The following FRS2 variants were observed in gnomAD, a reference collection of about 807,000 sequenced individuals.
The protein encoded by FRS2 is FGFR signalling adaptor.
FRS2 carries 8 observed loss-of-function variants against 43.9 expected under a neutral mutation model. The observed-to-expected ratio is 0.18, with a 90% CI of 0.11 to 0.33. The LOEUF is 0.33. Ranked by LOEUF, FRS2 falls within the 10% of genes least tolerant of loss-of-function variation. The probability of loss-of-function intolerance (pLI) is 1.00; values close to 1 mark genes in which losing one functional copy is unlikely to be tolerated. For synonymous variants in FRS2, 219 were observed against 220.3 expected (o/e 0.99, Z 0.05); for missense variants, 534 against 627.6 (o/e 0.85, Z 1.59).
At chr12:69,550,262 A>G (rs946723588) in intron 3 of FRS2, among the ~76,000 whole-genome samples, 1 of 152,202 alleles carries the variant, frequency 6.6e-6, no homozygotes, top group Non-Finnish European at 1.5e-5. Context: ...TATTAAGGCT[A>G]GCACTTAAGT....
At chr12:69,522,737 A>G (rs1345544436) in intron 1 of FRS2, among the ~76,000 whole-genome samples, 1 of 152,222 alleles carries the variant, frequency 6.6e-6, no homozygotes, top group Non-Finnish European at 1.5e-5. Flanking sequence ...ATTTAGTGCT[A>G]TAAATTTCCC....
chr12:69,523,684 T>C (rs1031196621), intron 1 of FRS2, among the ~76,000 whole-genome samples: 4 of 152,214 alleles, frequency 2.6e-5, no homozygotes, highest in African/African-American at 9.6e-5. Flanking sequence ...CTATGTACTT[T>C]AGTTTGTTTT....
chr12:69,571,976 G>A (rs1823970222), intron 7 of FRS2, 142 bp from the exon 8 acceptor site: 2 of 556,494 alleles, frequency 3.6e-6, no homozygotes, highest in African/African-American at 3.8e-5. Context: ...ATATGGAGTT[G>A]GGGGTAATAC....
At chr12:69,555,475 T>C (rs1484381489) in intron 3 of FRS2, among the ~76,000 whole-genome samples, 2 of 152,236 alleles carry the variant, frequency 1.3e-5, no homozygotes, top group Non-Finnish European at 2.9e-5. Flanking sequence ...TGCAAACTTT[T>C]CTGGTAAACT....
intron 1 of FRS2, among the ~76,000 whole-genome samples, chr12:69,475,910 C>T (rs1260529446): frequency 1.3e-5 from 2 of 151,888 alleles, no homozygotes; most frequent in Non-Finnish European, 2.9e-5. Context: ...TTATCTTTTG[C>T]CATTTTCGAT....
At chr12:69,519,638 T>TAA (rs1246062064) in intron 1 of FRS2, among the ~76,000 whole-genome samples, 10 of 152,328 alleles carry the variant, frequency 6.6e-5, no homozygotes, top group African/African-American at 2.4e-4. Flanking sequence ...AGCTCTCACT[T>TAA]ATAAGCGAGA....
At chr12:69,497,818 G>A (rs1873047401) in intron 1 of FRS2, among the ~76,000 whole-genome samples, 1 of 152,220 alleles carries the variant, frequency 6.6e-6, no homozygotes, top group African/African-American at 2.4e-5. Flanking sequence ...CCTGGCCATT[G>A]TAAATACTTT....
chr12:69,499,969 A>G lies in FRS2; in HGVS notation c.-261+29439A>G, dbSNP rs548978900. On this transcript the variant is annotated intron_variant, in intron 1 of 8. Coordinates refer to ENST00000549921, the MANE Select transcript of FRS2 (RefSeq NM_001278356.2). Reference sequence around the variant, plus strand: ...AATTCTGGTCAGAGTAGTGTTTCTGACACTTCAGTTTTTTTGAGGGCCATT... The same window carrying G: ...AATTCTGGTCAGAGTAGTGTTTCTGGCACTTCAGTTTTTTTGAGGGCCATT... Among the ~76,000 whole-genome samples the G allele has an allele frequency of 9.2e-5, 14 of 152,252 alleles. No homozygotes were observed. The East Asian group carries it at 1.3e-3, about 15-fold the overall frequency.
At chr12:69,552,144 A>T (rs546284943) in intron 3 of FRS2, among the ~76,000 whole-genome samples, 1 of 151,900 alleles carries the variant, frequency 6.6e-6, no homozygotes, top group African/African-American at 2.4e-5. Flanking sequence ...CTCTACTAAA[A>T]ATACAAAATT....
intron 1 of FRS2, among the ~76,000 whole-genome samples, chr12:69,487,948 C>G (rs181541222): frequency 6.6e-6 from 1 of 152,198 alleles, no homozygotes; most frequent in African/African-American, 2.4e-5. Context: ...GGAATTAGAA[C>G]TACAGCCTTA....
intron 4 of FRS2, among the ~76,000 whole-genome samples, chr12:69,562,732 C>T (rs1177783697): frequency 1.3e-5 from 2 of 151,868 alleles, no homozygotes; most frequent in Non-Finnish European, 1.5e-5. Context: ...CTTTGTCGTC[C>T]AGGCTTGGAG....
rs1424729489 is a variant in FRS2 at position 69,575,535 on chromosome 12, C to CT, written c.*581dup. 6.5e-6 allele frequency: 1 copy of CT among 152,802 alleles called. No homozygotes were observed. Among genetic ancestry groups the CT allele is most frequent in the Non-Finnish European group, 1.5e-5 (1 of 68,270 alleles). The allele number at this position is 152,802 out of a possible 1,614,324, so 9.5% of individuals were successfully genotyped here. On this transcript the variant is annotated 3_prime_UTR_variant, in exon 9 of 9. Coordinates refer to ENST00000549921, the MANE Select transcript of FRS2 (RefSeq NM_001278356.2). ...GCCTTCAGTGTTACTAGAAAGCGGCCTGTGTCCATGAGTGTGCTTTGCTGT... is the reference window on the plus strand; with the variant it reads ...GCCTTCAGTGTTACTAGAAAGCGGCCTTGTGTCCATGAGTGTGCTTTGCTGT...
In FRS2 at chr12:69,574,152, ATTC is replaced by A; in HGVS notation, c.730_732del (p.Leu244del). The stretch of plus-strand genomic sequence containing the variant: ...TAGTATTGAGGACAGGGATCCTCAG[ATTC>A]TTCTTGAACCTGAAGGAGTCAAATT... On this transcript the variant is annotated inframe_deletion, in exon 9 of 9. Transcript: ENST00000549921. 1.2e-6 allele frequency: 2 copies of A among 1,613,956 alleles called. No individual in the cohort carries two copies. The highest frequency in any genetic ancestry group is 2.2e-5 in the East Asian group (1 of 44,882).
intron 3 of FRS2, among the ~76,000 whole-genome samples, chr12:69,547,296 A>G (rs897195546): frequency 6.6e-6 from 1 of 152,190 alleles, no homozygotes; most frequent in Non-Finnish European, 1.5e-5. Context: ...CCTCGCCTCT[A>G]CAAAACATTA....
intron 1 of FRS2, among the ~76,000 whole-genome samples, chr12:69,491,881 A>C (rs1176724402): frequency 6.6e-6 from 1 of 152,210 alleles, no homozygotes; most frequent in East Asian, 1.9e-4. Context: ...AATTAGAAGT[A>C]GAATTTCTGT....
intron 3 of FRS2, among the ~76,000 whole-genome samples, chr12:69,556,601 C>T (rs938505475): frequency 2.6e-5 from 4 of 152,186 alleles, no homozygotes; most frequent in Admixed American, 6.5e-5. Flanking sequence ...GGATTACAGG[C>T]GTGAGCCATC....
intron 1 of FRS2, among the ~76,000 whole-genome samples, chr12:69,500,530 T>G (rs1334237364): frequency 1.3e-5 from 2 of 152,208 alleles, no homozygotes; most frequent in Admixed American, 6.5e-5. Flanking sequence ...AAATGCATTC[T>G]TAGATTTCAA....
At chr12:69,497,150 C>T (rs1715019791) in intron 1 of FRS2, among the ~76,000 whole-genome samples, 1 of 152,164 alleles carries the variant, frequency 6.6e-6, no homozygotes, top group Non-Finnish European at 1.5e-5. Context: ...AAAGTTCCTG[C>T]ACTCATGTAG....
At chr12:69,531,389 T>C (rs1046273654) in intron 2 of FRS2, among the ~76,000 whole-genome samples, 23 of 152,156 alleles carry the variant, frequency 1.5e-4, no homozygotes, top group Admixed American at 1.5e-3. Context: ...TTTTACTTTG[T>C]AGTACAAATT....
Sources: gnomAD v4.1 joint callset for allele counts (sites outside exome capture counted in the v4.1 genomes callset) on GRCh38, gnomAD v4.1.1 for gene constraint, MANE v1.5 for transcripts, NCBI Gene and HGNC (gene_info 2026-07-23, HGNC 2026-07-21) for gene names.